ATXN10: variants seen among roughly 807,000 people sequenced by gnomAD.
The protein encoded by ATXN10 is ataxin 10.
In ATXN10, 28 loss-of-function variants were observed where a neutral mutation model predicts 52.9. The observed-to-expected ratio is 0.53, with a 90% confidence interval of 0.39 to 0.73. The LOEUF is 0.73. ATXN10 is among the 30% of genes least tolerant of loss of function. The pLI is 0.00. For missense variants in ATXN10, 565 were observed against 577.0 expected (o/e 0.98, Z 0.21); for synonymous variants, 226 against 221.5 (o/e 1.02, Z -0.18).
chr22:45,794,884 T>C (rs1927653847), intron 9 of ATXN10, among the ~76,000 whole-genome samples: 1 of 152,186 alleles, frequency 6.6e-6, no homozygotes, highest in South Asian at 2.1e-4. Flanking sequence ...GTTAAATATA[T>C]GGGTAAAAAG....
rs921644018 is a variant in ATXN10, at chr22:45,841,846, C to T, written c.1238-1145C>T. ...GAAATGTCTCAGAACTGGTCCACAGCGTTGCACAGGGGTGTTCAGGACAAG... is the reference window on the plus strand; with the variant it reads ...GAAATGTCTCAGAACTGGTCCACAGTGTTGCACAGGGGTGTTCAGGACAAG... On this transcript the variant is annotated intron_variant, in intron 10 of 11. Coordinates refer to ENST00000252934, the MANE Select transcript of ATXN10 (RefSeq NM_013236.4). The surrounding 1 kb of genome is among the most constrained non-coding windows in gnomAD (Gnocchi z 5.1). 6.6e-6 allele frequency among the ~76,000 whole-genome samples: 1 copy of T among 152,182 alleles called. No homozygotes were observed. The highest frequency in any genetic ancestry group is 1.5e-5 in the Non-Finnish European group (1 of 68,034).
At chr22:45,829,061 G>A (rs1413383409) in intron 10 of ATXN10, among the ~76,000 whole-genome samples, 1 of 152,160 alleles carries the variant, frequency 6.6e-6, no homozygotes, top group Admixed American at 6.5e-5. Flanking sequence ...TGCGGGGGTG[G>A]TTCAACATAC....
rs553479722 is a variant in ATXN10, at chr22:45,775,074, T to C, written c.1174-31885T>C. 1.1e-4 allele frequency among the ~76,000 whole-genome samples: 17 copies of C among 152,372 alleles called. No homozygotes were observed. In the South Asian group the frequency reaches 2.3e-3, roughly 20 times the overall value. On this transcript the variant is annotated intron_variant, in intron 9 of 11. Coordinates refer to ENST00000252934, the MANE Select transcript of ATXN10 (RefSeq NM_013236.4). The surrounding 1 kb of genome is among the most constrained non-coding windows in gnomAD (Gnocchi z 4.7). ...AGTGTTGTATTACCAGAAGCACTTATCCACTCTGCAGATTTTAGGACTCCA... is the reference window on the plus strand; with the variant it reads ...AGTGTTGTATTACCAGAAGCACTTACCCACTCTGCAGATTTTAGGACTCCA...
rs1923048709 is a variant in ATXN10, at chr22:45,684,316, T to C, written c.117-5396T>C. On this transcript the variant is annotated intron_variant, in intron 1 of 11. Transcript: ENST00000252934. The surrounding 1 kb of genome is among the most constrained non-coding windows in gnomAD (Gnocchi z 4.1). The stretch of plus-strand genomic sequence containing the variant: ...GATGAAAGATGAATTTTCAATGTGA[T>C]GAGGACAGTGGGAAAGAGGAAGTGT... Among the ~76,000 whole-genome samples the C allele has an allele frequency of 6.6e-6, 1 of 152,106 alleles. No individual in the cohort carries two copies. The highest frequency in any genetic ancestry group is 6.5e-5 in the Admixed American group (1 of 15,270).
intron 10 of ATXN10, among the ~76,000 whole-genome samples, chr22:45,810,221 A>G (rs1928236607): frequency 6.6e-6 from 1 of 152,202 alleles, no homozygotes; most frequent in Non-Finnish European, 1.5e-5. Context: ...GAATTGATAC[A>G]AGTTTTGAGT....
At chr22:45,723,668 G>A (rs1198721480) in intron 6 of ATXN10, among the ~76,000 whole-genome samples, 1 of 152,014 alleles carries the variant, frequency 6.6e-6, no homozygotes, top group Admixed American at 6.6e-5. Context: ...TAGAATAATG[G>A]CCTCCAACTG....
chr22:45,719,937 A>G (rs528096025), intron 6 of ATXN10, among the ~76,000 whole-genome samples: 6 of 152,264 alleles, frequency 3.9e-5, no homozygotes, highest in East Asian at 1.9e-4. Flanking sequence ...ATCCCTTCTT[A>G]TTCTTCATTC....
rs1928082566 is a variant in ATXN10 at position 45,805,859 on chromosome 22, T to C, written c.1174-1100T>C. 1.3e-5 allele frequency among the ~76,000 whole-genome samples: 2 copies of C among 152,204 alleles called. No individual in the cohort carries two copies. The highest frequency in any genetic ancestry group is 2.9e-5 in the Non-Finnish European group (2 of 68,032). ...GTGTGAATTTTATAGTTTGTGATGA[T>C]GTCTCAGCAAAAAATGAACTGGGCC... On this transcript the variant is annotated intron_variant, in intron 9 of 11. Coordinates refer to ENST00000252934, the MANE Select transcript of ATXN10 (RefSeq NM_013236.4). The surrounding 1 kb of genome is among the most constrained non-coding windows in gnomAD (Gnocchi z 4.4).
intron 9 of ATXN10, among the ~76,000 whole-genome samples, chr22:45,803,304 T>A (rs1450450678): frequency 6.6e-6 from 1 of 152,168 alleles, no homozygotes; most frequent in Non-Finnish European, 1.5e-5. Flanking sequence ...TTCCATGAGC[T>A]TCATGTTTCA....
At chr22:45,815,012 G>T (rs1191756985) in intron 10 of ATXN10, among the ~76,000 whole-genome samples, 4 of 152,184 alleles carry the variant, frequency 2.6e-5, no homozygotes, top group South Asian at 2.1e-4. Context: ...AAAGGTTGGG[G>T]ACTGCTGCAT....
At chr22:45,791,286 T>C (rs965372972) in intron 9 of ATXN10, among the ~76,000 whole-genome samples, 1 of 152,224 alleles carries the variant, frequency 6.6e-6, no homozygotes, top group Non-Finnish European at 1.5e-5. Context: ...TTTCTAGAGA[T>C]AGAACATTTT....
intron 9 of ATXN10, among the ~76,000 whole-genome samples, chr22:45,777,903 G>A (rs888798670): frequency 1.3e-5 from 2 of 152,236 alleles, no homozygotes; most frequent in African/African-American, 2.4e-5. Flanking sequence ...ACCATGAGGT[G>A]TAGTGGAAAG....
Position 45,712,866 on chromosome 22 carries a change from A to C in ATXN10, c.648-5547A>C, listed in dbSNP as rs143534015. ...AGACCAGCTTTGTAAGCTTTGTCCAAATTGCTGTGTTAAGCAACTGTGGGT... is the reference window on the plus strand; with the variant it reads ...AGACCAGCTTTGTAAGCTTTGTCCACATTGCTGTGTTAAGCAACTGTGGGT... On this transcript the variant is annotated intron_variant, in intron 5 of 11. Transcript: ENST00000252934. The surrounding 1 kb of genome is among the most constrained non-coding windows in gnomAD (Gnocchi z 4.6). Among the ~76,000 whole-genome samples the C allele has an allele frequency of 1.9e-3, 292 of 152,310 alleles. No individual in the cohort carries two copies. The highest frequency in any genetic ancestry group is 6.8e-3 in the Middle Eastern group (2 of 294).
chr22:45,679,706 TC>T (rs1213208243), intron 1 of ATXN10: 1 of 152,222 alleles, frequency 6.6e-6, no homozygotes, highest in African/African-American at 2.4e-5. Context: ...AGAGAGAACA[TC>T]AATTAAGTTA....
At chr22:45,776,627 C>T (rs531385884) in intron 9 of ATXN10, among the ~76,000 whole-genome samples, 2 of 152,220 alleles carry the variant, frequency 1.3e-5, no homozygotes, top group South Asian at 2.1e-4. Context: ...CTCAGCTGCC[C>T]ACTAGTTGTG....
chr22:45,827,129 CCACACACACACACACACA>C (rs57068887), intron 10 of ATXN10, among the ~76,000 whole-genome samples: 6 of 146,608 alleles, frequency 4.1e-5, no homozygotes, highest in East Asian at 2.0e-4. Context: ...CCCATGGTAA[CCACACACACACACACACA>C]CACACACACA....
Position 45,835,844 on chromosome 22 carries a change from T to C in ATXN10, c.1238-7147T>C, listed in dbSNP as rs1391463164. Among the ~76,000 whole-genome samples, 3 of 151,718 alleles carry C rather than the reference T, an allele frequency of 2.0e-5. No individual in the cohort carries two copies. The highest frequency in any genetic ancestry group is 4.4e-5 in the Non-Finnish European group (3 of 67,810). ...TTATTTCTCTGCCTTCTTTTAGTATTTTTTTTAACACTTTCAGTATTAGCA... is the reference window on the plus strand; with the variant it reads ...TTATTTCTCTGCCTTCTTTTAGTATCTTTTTTAACACTTTCAGTATTAGCA... On this transcript the variant is annotated intron_variant, in intron 10 of 11. Coordinates refer to ENST00000252934, the MANE Select transcript of ATXN10 (RefSeq NM_013236.4). The surrounding 1 kb of genome is among the most constrained non-coding windows in gnomAD (Gnocchi z 5.0).
rs1249204400 is a variant in ATXN10 at position 45,818,856 on chromosome 22, A to T, written c.1237+11834A>T. 6.6e-6 allele frequency among the ~76,000 whole-genome samples: 1 copy of T among 152,118 alleles called. No homozygotes were observed. Among genetic ancestry groups the T allele is most frequent in the African/African-American group, 2.4e-5 (1 of 41,410 alleles). ...GGACACTGATTGCCTGTTCCTAAGG[A>T]CCTGCTCCTTAGAGCCAAGCCCCGT... On this transcript the variant is annotated intron_variant, in intron 10 of 11. Transcript: ENST00000252934. This position sits in a 1 kb window ranked among gnomAD's most constrained non-coding sequence, Gnocchi z 4.6.
chr22:45,831,434 G>GT (rs377541878), intron 10 of ATXN10, among the ~76,000 whole-genome samples: 213 of 152,150 alleles, frequency 1.4e-3, no homozygotes, highest in African/African-American at 4.6e-3. Context: ...GACTTTTCCT[G>GT]TATGTCTCAG....
Sources: allele counts gnomAD v4.1 joint callset (sites outside exome capture counted in the v4.1 genomes callset), GRCh38; gene constraint gnomAD v4.1.1; non-coding constraint Gnocchi (gnomAD v3.1); transcripts MANE v1.5; gene names NCBI Gene and HGNC (gene_info 2026-07-23, HGNC 2026-07-21).